The following CELF2 variants were observed in gnomAD, a reference collection of about 807,000 sequenced individuals.
The protein encoded by CELF2 is CUG triplet repeat RNA-binding protein 2.
In CELF2, 8 loss-of-function variants were observed where a neutral mutation model predicts 62.6. That is an observed-to-expected ratio of 0.13 (90% CI 0.07 to 0.23). The LOEUF (loss-of-function observed/expected upper bound fraction) is 0.23, where lower values mean the gene tolerates loss of function less well. Among genes scored for constraint, CELF2 ranks in the 10% least tolerant of loss-of-function variants. The pLI is 1.00. For synonymous variants in CELF2, 258 were observed against 250.0 expected (o/e 1.03, Z -0.30); for missense variants, 333 against 671.0 (o/e 0.50, Z 5.56).
chr10:10,955,249 C>T (rs1024294799), intron 2 of CELF2, among the ~76,000 whole-genome samples: 2 of 152,230 alleles, frequency 1.3e-5, no homozygotes, highest in Non-Finnish European at 2.9e-5. Flanking sequence ...GGTATTTGAA[C>T]TCATGTCTTT....
At chr10:10,975,244 A>G (rs990630408) in intron 2 of CELF2, among the ~76,000 whole-genome samples, 2 of 152,160 alleles carry the variant, frequency 1.3e-5, no homozygotes, top group African/African-American at 4.8e-5. Context: ...CAGCCTCTGG[A>G]GTAGCTGGGA....
At chr10:11,152,413 TAAAA>T (rs549462786) in intron 1 of CELF2, among the ~76,000 whole-genome samples, 1 of 143,510 alleles carries the variant, frequency 7.0e-6, no homozygotes, top group Non-Finnish European at 1.5e-5. Flanking sequence ...AGTTGTTAAA[TAAAA>T]AAAAAAAATC....
chr10:11,122,935 G>A (rs1482132310), intron 1 of CELF2, among the ~76,000 whole-genome samples: 1 of 152,218 alleles, frequency 6.6e-6, no homozygotes, highest in African/African-American at 2.4e-5. Context: ...CCTGGAGGAG[G>A]CAGGAGAGCA....
At chr10:10,791,579 A>C in the CELF2 span, among the ~76,000 whole-genome samples, 2,014 of 152,112 alleles carry the variant, frequency 0.013, 38 homozygotes, top group African/African-American at 0.046. Flanking sequence ...TTTTCTTTTC[A>C]TCAATAGTGT....
chr10:10,511,833 C>G, the CELF2 span, among the ~76,000 whole-genome samples: 1 of 152,198 alleles, frequency 6.6e-6, no homozygotes, highest in Non-Finnish European at 1.5e-5. Flanking sequence ...AGAACCATAT[C>G]AAGGCCTGCT....
At chr10:10,743,877 T>TA in the CELF2 span, among the ~76,000 whole-genome samples, 2 of 150,338 alleles carry the variant, frequency 1.3e-5, no homozygotes, top group South Asian at 4.4e-4. Flanking sequence ...CACATATCGA[T>TA]ACAAATAAAA....
chr10:10,487,004 C>A, the CELF2 span, among the ~76,000 whole-genome samples: 1 of 152,106 alleles, frequency 6.6e-6, no homozygotes, highest in East Asian at 1.9e-4. Flanking sequence ...CCCTGTCCAT[C>A]GTATATGCCT....
At chr10:11,320,428 C>T (rs1363957313) in intron 10 of CELF2, among the ~76,000 whole-genome samples, 1 of 152,216 alleles carries the variant, frequency 6.6e-6, no homozygotes, top group Admixed American at 6.5e-5. Flanking sequence ...TGTGTGCATG[C>T]GTGCACGCAC....
rs2096065638 is a variant in CELF2, at chr10:11,333,435, C to T, written c.*4382C>T. On this transcript the variant is annotated 3_prime_UTR_variant, in exon 13 of 13. Transcript: ENST00000633077. The stretch of plus-strand genomic sequence containing the variant: ...AGAGAATTGTGATACAATGGCAGTC[C>T]TCAAAGGCGTAACGAGTTCATCTTT... The T allele has an allele frequency of 6.6e-6, 1 of 152,336 alleles. No individual in the cohort carries two copies. Among genetic ancestry groups the T allele is most frequent in the Admixed American group, 6.6e-5 (1 of 15,258 alleles). 9.4% of individuals were successfully genotyped at this position (152,336 alleles called of 1,614,324 possible).
At chr10:11,298,318 C>T (rs1165762520) in intron 9 of CELF2, among the ~76,000 whole-genome samples, 1 of 152,234 alleles carries the variant, frequency 6.6e-6, no homozygotes, top group Non-Finnish European at 1.5e-5. Flanking sequence ...GGTACTAGCA[C>T]ACAAGCCAAC....
rs201120 is a variant in CELF2 at position 11,008,411 on chromosome 10, C to T, written c.53+2971C>T. 0.26 allele frequency among the ~76,000 whole-genome samples: 39,082 copies of T among 152,138 alleles called. 9,771 individuals are homozygous for T. Among genetic ancestry groups the T allele is most frequent in the African/African-American group, 0.65 (27,139 of 41,482 alleles). ...CTTGATTTGTTAAAATGAAACCAGACAGTTTTGCTTTTTTTAAAATAGGAG... is the reference window on the plus strand; with the variant it reads ...CTTGATTTGTTAAAATGAAACCAGATAGTTTTGCTTTTTTTAAAATAGGAG... On this transcript the variant is annotated intron_variant, in intron 1 of 12. Coordinates refer to the CELF2 transcript ENST00000416382. The surrounding 1 kb of genome is among the most constrained non-coding windows in gnomAD (Gnocchi z 4.5).
At chr10:10,798,620 A>G (rs961103427), upstream of CELF2, 11 of 396,410 alleles carry the variant, frequency 2.8e-5, no homozygotes, top group Non-Finnish European at 4.9e-5. Flanking sequence ...GGTGGAGAGA[A>G]GTCAGGAAAA....
rs767528750 is a variant in CELF2 at position 11,223,796 on chromosome 10, C to T, written c.354+6289C>T. On this transcript the variant is annotated intron_variant, in intron 3 of 12. Transcript: ENST00000633077. The surrounding 1 kb of genome is among the most constrained non-coding windows in gnomAD (Gnocchi z 5.1). ...GCGGTATAGATCCAGGAGAGGATATCGGAGGATGGAAGGAAATCCTGGGCC... is the reference window on the plus strand; with the variant it reads ...GCGGTATAGATCCAGGAGAGGATATTGGAGGATGGAAGGAAATCCTGGGCC... Among the ~76,000 whole-genome samples, 11 of 152,140 alleles carry T rather than the reference C, an allele frequency of 7.2e-5. No homozygotes were observed. The highest frequency in any genetic ancestry group is 1.9e-4 in the East Asian group (1 of 5,194).
chr10:10,471,069 A>T, the CELF2 span, among the ~76,000 whole-genome samples: 1 of 151,544 alleles, frequency 6.6e-6, no homozygotes, highest in Non-Finnish European at 1.5e-5. Context: ...GGGCCATTCT[A>T]GATGTTTCAT....
chr10:10,652,237 T>C, the CELF2 span, among the ~76,000 whole-genome samples: 1 of 124,750 alleles, frequency 8.0e-6, no homozygotes, highest in Non-Finnish European at 1.7e-5. Context: ...AGACCAAATC[T>C]ACATCTGATT....
intron 1 of CELF2, among the ~76,000 whole-genome samples, chr10:11,124,118 G>T (rs1195770410): frequency 6.6e-6 from 1 of 151,996 alleles, no homozygotes; most frequent in African/African-American, 2.4e-5. Flanking sequence ...AGAACAGTAT[G>T]GGAGAACTGC....
chr10:10,488,636 G>A, the CELF2 span, among the ~76,000 whole-genome samples: 82 of 152,112 alleles, frequency 5.4e-4, no homozygotes, highest in African/African-American at 2.0e-3. Context: ...GAAATGGCAG[G>A]TATTATTATT....
chr10:11,113,820 C>G (rs1028262785), intron 1 of CELF2, among the ~76,000 whole-genome samples: 1 of 152,118 alleles, frequency 6.6e-6, no homozygotes, highest in African/African-American at 2.4e-5. Context: ...GAAACAAAAG[C>G]AAGGTTCTTG....
chr10:10,476,116 T>C, the CELF2 span, among the ~76,000 whole-genome samples: 1 of 152,146 alleles, frequency 6.6e-6, no homozygotes, highest in Non-Finnish European at 1.5e-5. Flanking sequence ...TTCTGGTAAA[T>C]TTCCTCAAAC....
Sources: gnomAD v4.1 joint callset for allele counts (sites outside exome capture counted in the v4.1 genomes callset) on GRCh38, gnomAD v4.1.1 for gene constraint, Gnocchi (gnomAD v3.1) non-coding constraint, MANE v1.5 for transcripts, NCBI Gene and HGNC (gene_info 2026-07-23, HGNC 2026-07-21) for gene names.